Variants in OSBPL5 observed in about 807,000 individuals in gnomAD.
OSBPL5 encodes oxysterol-binding protein-related protein 5.
Under a neutral mutation model 111.2 loss-of-function variants are expected in OSBPL5, and 71 were observed. The ratio of observed to expected loss-of-function variants is 0.64; its 90% CI spans 0.53 to 0.78. The LOEUF (loss-of-function observed/expected upper bound fraction) is 0.78. OSBPL5 is among the 30% of genes least tolerant of loss of function. The pLI is 0.00. For synonymous variants in OSBPL5, 549 were observed against 513.9 expected, an observed-to-expected ratio of 1.07 and a Z score of -0.93; for missense variants, 1,210 against 1,189.3, an observed-to-expected ratio of 1.02 and a Z score of -0.26.
intron 7 of OSBPL5, among the ~76,000 whole-genome samples, chr11:3,108,672 C>T (rs556197307): frequency 6.6e-6 from 1 of 152,360 alleles, no homozygotes; most frequent in East Asian, 1.9e-4. Context: ...CACGTGTCCA[C>T]CTGGGTGACA....
intron 11 of OSBPL5, 53 bp from the exon 12 acceptor site, chr11:3,102,334 T>G: frequency 5.3e-6 from 8 of 1,523,804 alleles, no homozygotes; most frequent in Non-Finnish European, 7.1e-6. Context: ...AGGTCCGCTG[T>G]GCAGAGCAGG....
In OSBPL5 at chr11:3,104,188, C is replaced by CT. The variant is rs1184287648; in HGVS notation, c.1244+4_1244+5insA. ...GTGGGGTGCCCCTCCCGGCATGGCG[C>CT]GCACCTGGAGAGCAGGTCTGCGTGG... On this transcript the variant is annotated splice_donor_region_variant and intron_variant, in intron 10 of 21. Transcript: ENST00000263650. The surrounding 1 kb of genome is among the most constrained non-coding windows in gnomAD (Gnocchi z 5.0). 1.3e-6 allele frequency: 2 copies of CT among 1,597,870 alleles called. No individual in the cohort carries two copies. The highest frequency in any genetic ancestry group is 1.7e-6 in the Non-Finnish European group (2 of 1,167,764).
chr11:3,093,114 G>T, intron 17 of OSBPL5, 62 bp from the exon 18 acceptor site: 1 of 1,430,654 alleles, frequency 7.0e-7, no homozygotes, highest in South Asian at 1.4e-5. Flanking sequence ...AGGCAGCTAG[G>T]AATCAGGGCC....
At chr11:3,124,944 G>T (rs181428552) in intron 3 of OSBPL5, among the ~76,000 whole-genome samples, 2 of 152,186 alleles carry the variant, frequency 1.3e-5, no homozygotes, top group Non-Finnish European at 1.5e-5. Flanking sequence ...AGGCAAGACC[G>T]CATGGCATGG....
intron 11 of OSBPL5, 26 bp from the exon 12 acceptor site, chr11:3,102,307 G>T: frequency 6.4e-7 from 1 of 1,568,568 alleles, no homozygotes. Flanking sequence ...ACTTGTGTGA[G>T]GAGCCAGGTG....
At chr11:3,103,796 CTCTGCA>C (rs1564830234) in intron 10 of OSBPL5, among the ~76,000 whole-genome samples, 9 of 86,176 alleles carry the variant, frequency 1.0e-4, no homozygotes, top group Non-Finnish European at 2.0e-4. Flanking sequence ...CCCTTCCTGC[CTCTGCA>C]GCCCTCTTCC....
chr11:3,123,557 C>G (rs946144046), intron 3 of OSBPL5, among the ~76,000 whole-genome samples: 4 of 152,194 alleles, frequency 2.6e-5, no homozygotes, highest in Admixed American at 2.0e-4. Flanking sequence ...CTGGCCTTTT[C>G]CAGAGAAAGC....
chr11:3,100,316 C>A, intron 13 of OSBPL5, 60 bp from the exon 14 acceptor site: 1 of 1,471,606 alleles, frequency 6.8e-7, no homozygotes, highest in South Asian at 1.2e-5. Flanking sequence ...CATCTGAGGC[C>A]ACCCCTAAGT....
Position 3,126,671 on chromosome 11 carries a change from G to A in OSBPL5, c.137-116C>T. The A allele has an allele frequency of 2.5e-6, 2 of 793,316 alleles. No homozygotes were observed. The highest frequency in any genetic ancestry group is 2.9e-5 in the East Asian group (1 of 34,480). 49.1% of individuals were successfully genotyped at this position (793,316 alleles called of 1,614,324 possible). On this transcript the variant is annotated intron_variant, in intron 2 of 21. Coordinates refer to ENST00000263650, the MANE Select transcript of OSBPL5 (RefSeq NM_020896.4). The surrounding 1 kb of genome is among the most constrained non-coding windows in gnomAD (Gnocchi z 6.5). ...GGTGCGGATGACCTGGGAGGGGCAG[G>A]AAGTCAGCCGGAGGTGGTGGCAGGA...
chr11:3,123,683 G>A (rs751504460), intron 3 of OSBPL5, among the ~76,000 whole-genome samples: 1 of 152,264 alleles, frequency 6.6e-6, no homozygotes, highest in Admixed American at 6.5e-5. Flanking sequence ...AGCCCTGGGC[G>A]CTGGGGACTG....
At chr11:3,138,063 A>G (rs1845998170) in intron 1 of OSBPL5, among the ~76,000 whole-genome samples, 1 of 152,214 alleles carries the variant, frequency 6.6e-6, no homozygotes. Flanking sequence ...GCATCGAGCC[A>G]TGCCTGCGTG....
At chr11:3,135,190 C>A (rs371356625) in intron 1 of OSBPL5, among the ~76,000 whole-genome samples, 1 of 152,206 alleles carries the variant, frequency 6.6e-6, no homozygotes, top group African/African-American at 2.4e-5. Context: ...TGGGTGGGTT[C>A]CCCTGAACTG....
chr11:3,112,056 CATGTGTATGT>C (rs1857990355), intron 7 of OSBPL5, among the ~76,000 whole-genome samples: 13 of 32,034 alleles, frequency 4.1e-4, no homozygotes, highest in South Asian at 1.4e-3. Context: ...CATGTGTGTG[CATGTGTATGT>C]GTGTGTGCAT....
chr11:3,123,522 C>T (rs370278053), intron 3 of OSBPL5, among the ~76,000 whole-genome samples: 23 of 152,204 alleles, frequency 1.5e-4, no homozygotes, highest in African/African-American at 4.3e-4. Context: ...ACGGAGCCTG[C>T]GCCGCGGCGG....
At chr11:3,115,337 T>C (rs1220750751) in intron 7 of OSBPL5, among the ~76,000 whole-genome samples, 1 of 152,228 alleles carries the variant, frequency 6.6e-6, no homozygotes, top group Non-Finnish European at 1.5e-5. Flanking sequence ...TTATATCTTC[T>C]TGTATGTGCT....
In OSBPL5 at chr11:3,142,366, A is replaced by G. The variant is rs1846151285; in HGVS notation, c.-21-13197T>C. On this transcript the variant is annotated intron_variant, in intron 1 of 21. Coordinates refer to ENST00000263650, the MANE Select transcript of OSBPL5 (RefSeq NM_020896.4). This position sits in a 1 kb window ranked among gnomAD's most constrained non-coding sequence, Gnocchi z 7.1. ...GAGTGCAATGCCCAGATGGTCCAAG[A>G]GAACACTTTCTGGGCTGCTGGTCTG... Among the ~76,000 whole-genome samples the G allele has an allele frequency of 6.6e-6, 1 of 152,148 alleles. No homozygotes were observed. Among genetic ancestry groups the G allele is most frequent in the African/African-American group, 2.4e-5 (1 of 41,436 alleles).
At position 3,089,854 on chromosome 11, in the gene OSBPL5, C is replaced by A. The variant is rs865894715; in HGVS notation, c.2493G>T (p.Glu831Asp). The change falls in exon 21 of 22, where the codon GAG (glutamate) becomes GAT (aspartate). Residue 831 changes from glutamate (E) to aspartate (D), a missense_variant. Transcript: ENST00000263650. ...CCCTGAGTGTGGCCCACCTGTGCAG[C>A]TCCTGCTGGGCCTCTCGGATGGAGA... ...AILSIREAQQELHRHLSAMLS... is the reference protein window; with the variant it reads ...AILSIREAQQDLHRHLSAMLS... The A allele has an allele frequency of 6.4e-7, 1 of 1,560,406 alleles. No homozygotes were observed. Among genetic ancestry groups the A allele is most frequent in the Non-Finnish European group, 8.7e-7 (1 of 1,152,368 alleles).
In OSBPL5 at chr11:3,092,764, C is replaced by T; in HGVS notation, c.2132+103G>A. The T allele has an allele frequency of 2.1e-6, 3 of 1,407,822 alleles. No individual in the cohort carries two copies. The highest frequency in any genetic ancestry group is 1.9e-6 in the Non-Finnish European group (2 of 1,058,092). The allele number at this position is 1,407,822 out of a possible 1,614,324, so 87.2% of individuals were successfully genotyped here. On this transcript the variant is annotated intron_variant, in intron 18 of 21. Coordinates refer to ENST00000263650, the MANE Select transcript of OSBPL5 (RefSeq NM_020896.4). This position sits in a 1 kb window ranked among gnomAD's most constrained non-coding sequence, Gnocchi z 5.4. ...CTCCCCCACCGACTCCTCCAGGGGA[C>T]AGGCTGAAGGTGAGAGGGAAGCCAG...
At chr11:3,138,920 G>A (rs1846027866) in intron 1 of OSBPL5, among the ~76,000 whole-genome samples, 1 of 152,216 alleles carries the variant, frequency 6.6e-6, no homozygotes, top group African/African-American at 2.4e-5. Context: ...AGGCGTGTGG[G>A]CAAAAACTCC....
Sources: gnomAD v4.1 joint callset for allele counts (sites outside exome capture counted in the v4.1 genomes callset) on GRCh38, gnomAD v4.1.1 for gene constraint, Gnocchi (gnomAD v3.1) non-coding constraint, MANE v1.5 for transcripts, NCBI Gene and HGNC (gene_info 2026-07-23, HGNC 2026-07-21) for gene names.